Variants in CUX2 observed in about 807,000 individuals in gnomAD.
CUX2 encodes cut like homeobox 2.
Under a neutral mutation model 144.8 loss-of-function variants are expected in CUX2, and 40 were observed. That is an observed-to-expected ratio of 0.28 (90% CI 0.21 to 0.36). The LOEUF (loss-of-function observed/expected upper bound fraction) is 0.36. Ranked by LOEUF, CUX2 falls within the 10% of genes least tolerant of loss-of-function variation. The pLI is 1.00. For synonymous variants in CUX2, 827 were observed against 875.6 expected (o/e 0.94, Z 0.98); for missense variants, 1,615 against 1,994.0 (o/e 0.81, Z 3.62).
chr12:111,295,534 G>C lies in CUX2; in HGVS notation c.637+125G>C. On this transcript the variant is annotated intron_variant, in intron 7 of 21. Transcript: ENST00000261726. The surrounding 1 kb of genome is among the most constrained non-coding windows in gnomAD (Gnocchi z 5.0). Reference sequence around the variant, plus strand: ...TTAGAATCAAGAGGGCAAAATGGGAGTTTGGGAAGAATAATCTTACCCAGT... The same window carrying C: ...TTAGAATCAAGAGGGCAAAATGGGACTTTGGGAAGAATAATCTTACCCAGT... 1.3e-6 allele frequency: 1 copy of C among 765,052 alleles called. No individual in the cohort carries two copies. Among genetic ancestry groups the C allele is most frequent in the South Asian group, 2.0e-5 (1 of 49,052 alleles). 47.4% of individuals were successfully genotyped at this position (765,052 alleles called of 1,614,324 possible).
intron 1 of CUX2, among the ~76,000 whole-genome samples, chr12:111,122,780 G>A (rs1382562945): frequency 6.6e-6 from 1 of 152,178 alleles, no homozygotes; most frequent in African/African-American, 2.4e-5. Context: ...GCTCGTGGCT[G>A]CAGATATTTG....
At chr12:111,096,397 C>T (rs1260333806) in intron 1 of CUX2, among the ~76,000 whole-genome samples, 1 of 152,224 alleles carries the variant, frequency 6.6e-6, no homozygotes, top group African/African-American at 2.4e-5. Context: ...TTATCATCCC[C>T]ATGGCCACCA....
chr12:111,137,203 G>T (rs1259842649), intron 1 of CUX2, among the ~76,000 whole-genome samples: 2 of 151,868 alleles, frequency 1.3e-5, no homozygotes, highest in African/African-American at 4.8e-5. Context: ...CCAAAGTGCT[G>T]GGATTACAGG....
Position 111,263,727 on chromosome 12 carries a change from T to C in CUX2, c.223-34T>C. The C allele has an allele frequency of 6.5e-7, 1 of 1,540,316 alleles. No homozygotes were observed. Among genetic ancestry groups the C allele is most frequent in the South Asian group, 1.1e-5 (1 of 89,488 alleles). ...TTGCTTGCAGACACAGATGCCATGG[T>C]TACACGTGACTCTTTCTCTTGTTGT... On this transcript the variant is annotated intron_variant, in intron 3 of 21. Coordinates refer to ENST00000261726, the MANE Select transcript of CUX2 (RefSeq NM_015267.4). The surrounding 1 kb of genome is among the most constrained non-coding windows in gnomAD (Gnocchi z 4.0).
At chr12:111,314,121 T>G (rs1284251229) in intron 16 of CUX2, among the ~76,000 whole-genome samples, 1 of 152,170 alleles carries the variant, frequency 6.6e-6, no homozygotes, top group Non-Finnish European at 1.5e-5. Flanking sequence ...CTAATTTCCC[T>G]CTTGGTCAGT....
intron 1 of CUX2, among the ~76,000 whole-genome samples, chr12:111,159,314 G>GTT (rs35677857): frequency 2.4e-5 from 3 of 123,910 alleles, no homozygotes; most frequent in Non-Finnish European, 4.7e-5. Context: ...ATGCCCAGCT[G>GTT]TTTTTTTTTT....
chr12:111,217,834 C>T (rs538618350), intron 2 of CUX2, 56 bp from the exon 3 acceptor site: 4 of 1,587,340 alleles, frequency 2.5e-6, no homozygotes, highest in African/African-American at 1.3e-5. Flanking sequence ...CAAGCAGGGG[C>T]CACGGGGGCG....
chr12:111,171,184 C>A lies in CUX2; in HGVS notation c.64-43016C>A, dbSNP rs187641961. ...TGACAGAGATGGAGAAGTTGGGCAA[C>A]CCCCAGTCTGATGGACGGGGTGCAG... On this transcript the variant is annotated intron_variant, in intron 1 of 21. Coordinates refer to ENST00000261726, the MANE Select transcript of CUX2 (RefSeq NM_015267.4). This position sits in a 1 kb window ranked among gnomAD's most constrained non-coding sequence, Gnocchi z 5.0. Among the ~76,000 whole-genome samples the A allele has an allele frequency of 1.3e-5, 2 of 152,082 alleles. No homozygotes were observed. The highest frequency in any genetic ancestry group is 2.9e-5 in the Non-Finnish European group (2 of 68,022).
At chr12:111,196,810 T>C (rs1040859052) in intron 1 of CUX2, among the ~76,000 whole-genome samples, 1 of 152,206 alleles carries the variant, frequency 6.6e-6, no homozygotes, top group Non-Finnish European at 1.5e-5. Context: ...TACAGGAGGC[T>C]AGTGGCTGCT....
rs894622263 is a variant in CUX2 at position 111,057,741 on chromosome 12, C to T, written c.63+23501C>T. On this transcript the variant is annotated intron_variant, in intron 1 of 21. Coordinates refer to ENST00000261726, the MANE Select transcript of CUX2 (RefSeq NM_015267.4). This position sits in a 1 kb window ranked among gnomAD's most constrained non-coding sequence, Gnocchi z 5.1. ...ATAAAAGCAGCTAATTAACATTATT[C>T]TTTAATTATTGCCTTTATCAACAAG... Among the ~76,000 whole-genome samples, 8 of 152,330 alleles carry T rather than the reference C, an allele frequency of 5.3e-5. No individual in the cohort carries two copies. Among genetic ancestry groups the T allele is most frequent in the Admixed American group, 2.6e-4 (4 of 15,302 alleles).
At chr12:111,075,109 C>G (rs1224292876) in intron 1 of CUX2, among the ~76,000 whole-genome samples, 13 of 151,560 alleles carry the variant, frequency 8.6e-5, no homozygotes, top group Admixed American at 7.9e-4. Flanking sequence ...ACCACCCAGC[C>G]GCACCCTGAG....
chr12:111,114,275 A>G (rs913839465), intron 1 of CUX2, among the ~76,000 whole-genome samples: 1 of 151,860 alleles, frequency 6.6e-6, no homozygotes, highest in Admixed American at 6.6e-5. Context: ...TTCTTTTTCA[A>G]TTTTATGCAT....
At chr12:111,127,106 A>G (rs1254710473) in intron 1 of CUX2, among the ~76,000 whole-genome samples, 3 of 152,254 alleles carry the variant, frequency 2.0e-5, no homozygotes, top group East Asian at 1.9e-4. Flanking sequence ...CTTAATATGT[A>G]TCTTTATACA....
intron 1 of CUX2, among the ~76,000 whole-genome samples, chr12:111,177,103 C>T (rs1452495007): frequency 2.6e-5 from 4 of 152,186 alleles, no homozygotes; most frequent in African/African-American, 9.7e-5. Context: ...TTTGGGTCTT[C>T]CCCGTGCTGG....
chr12:111,157,352 A>C (rs112252110), intron 1 of CUX2, among the ~76,000 whole-genome samples: 1,521 of 151,662 alleles, frequency 0.01, 29 homozygotes, highest in African/African-American at 0.035. Flanking sequence ...ATACTAAAAG[A>C]CCAGCTCATG....
chr12:111,229,041 C>T lies in CUX2; in HGVS notation c.222+11104C>T, dbSNP rs141516855. ...TCAGATGAGGTAATAGATATAAAGGCGTAGAACAGTGCCTGGTGCAGAGAA... is the reference window on the plus strand; with the variant it reads ...TCAGATGAGGTAATAGATATAAAGGTGTAGAACAGTGCCTGGTGCAGAGAA... On this transcript the variant is annotated intron_variant, in intron 3 of 21. Coordinates refer to ENST00000261726, the MANE Select transcript of CUX2 (RefSeq NM_015267.4). Among the ~76,000 whole-genome samples the T allele has an allele frequency of 5.7e-3, 869 of 152,204 alleles. 4 individuals carry two copies. Among genetic ancestry groups the T allele is most frequent in the African/African-American group, 0.02 (827 of 41,522 alleles).
At chr12:111,180,807 G>T (rs781460045) in intron 1 of CUX2, among the ~76,000 whole-genome samples, 3 of 152,200 alleles carry the variant, frequency 2.0e-5, no homozygotes, top group Non-Finnish European at 4.4e-5. Context: ...TGAGAAGGCC[G>T]GTGGGCGAGG....
In CUX2 at chr12:111,125,855, A is replaced by G. The variant is rs554200383; in HGVS notation, c.64-88345A>G. Among the ~76,000 whole-genome samples the G allele has an allele frequency of 7.9e-5, 12 of 152,108 alleles. No homozygotes were observed. In the South Asian group the frequency reaches 1.9e-3, roughly 24 times the overall value. On this transcript the variant is annotated intron_variant, in intron 1 of 21. Transcript: ENST00000261726. ...AAGCACAGTGTGGTCAGATCTTCCAATTTTTTTTAGAGAAAATGAAAATTT... is the reference window on the plus strand; with the variant it reads ...AAGCACAGTGTGGTCAGATCTTCCAGTTTTTTTTAGAGAAAATGAAAATTT...
intron 21 of CUX2, among the ~76,000 whole-genome samples, chr12:111,342,555 C>T (rs1427520750): frequency 6.6e-6 from 1 of 152,132 alleles, no homozygotes; most frequent in African/African-American, 2.4e-5. Flanking sequence ...GAGCCTTCTT[C>T]ACTTCCCTGA....
Sources: allele counts gnomAD v4.1 joint callset (sites outside exome capture counted in the v4.1 genomes callset), GRCh38; gene constraint gnomAD v4.1.1; non-coding constraint Gnocchi (gnomAD v3.1); transcripts MANE v1.5; gene names NCBI Gene and HGNC (gene_info 2026-07-23, HGNC 2026-07-21).